The following FAM222A variants were observed in gnomAD, a reference collection of about 807,000 sequenced individuals.
FAM222A encodes the protein protein FAM222A.
A neutral mutation model predicts 25.8 loss-of-function variants in FAM222A; 7 were observed. The observed-to-expected ratio is 0.27, with a 90% CI of 0.15 to 0.51. The LOEUF (loss-of-function observed/expected upper bound fraction) is 0.51. FAM222A is among the 20% of genes least tolerant of loss of function. The pLI, the probability that FAM222A is intolerant of heterozygous loss-of-function variation, is 0.97. For missense variants in FAM222A, 573 were observed against 640.5 expected, an observed-to-expected ratio of 0.89 and a Z score of 1.14; for synonymous variants, 294 against 298.8, an observed-to-expected ratio of 0.98 and a Z score of 0.17.
rs2136311185 is a variant in FAM222A at position 109,714,206 on chromosome 12, C to T, written c.-738C>T. 9.7e-6 allele frequency: 2 copies of T among 206,030 alleles called. No individual in the cohort carries two copies. The highest frequency in any genetic ancestry group is 1.7e-4 in the East Asian group (1 of 5,972). The allele number at this position is 206,030 out of a possible 1,614,324, so 12.8% of individuals were successfully genotyped here. A position where few individuals can be genotyped will look rare whatever the true frequency, so the allele number is the denominator to read the frequency against. Reference sequence around the variant, plus strand: ...TCCGAGCTTGCGTCGCCCGCTGCCGCCGCCGCCGCCGCTGCCGCCGCCGCT... The same window carrying T: ...TCCGAGCTTGCGTCGCCCGCTGCCGTCGCCGCCGCCGCTGCCGCCGCCGCT... On this transcript the variant is annotated 5_prime_UTR_variant, in exon 1 of 3. Transcript: ENST00000538780. This position sits in a 1 kb window ranked among gnomAD's most constrained non-coding sequence, Gnocchi z 4.2.
chr12:109,751,154 T>C (rs1425151543), intron 2 of FAM222A, among the ~76,000 whole-genome samples: 1 of 152,178 alleles, frequency 6.6e-6, no homozygotes, highest in South Asian at 2.1e-4. Context: ...TCACTTTTTT[T>C]CCCTATGTTT....
rs1889121393 is a variant in FAM222A at position 109,768,328 on chromosome 12, G to A, written c.399G>A (p.Arg133=). ...TGCTCAAGAGCGCCGAGGGCAAGCG[G>A]ACCAAGCTGTCACCGGCCGCCGTGC... The part of the protein sequence containing the change: ...KSVLKSAEGK[R]TKLSPAAVQV... The change falls in exon 3 of 3, where the codon CGG becomes CGA. Residue 133 remains arginine (R), a synonymous_variant. Transcript: ENST00000538780. 2.5e-6 allele frequency: 4 copies of A among 1,601,124 alleles called. No individual in the cohort carries two copies. The East Asian group carries it at 6.8e-5, about 27-fold the overall frequency.
In FAM222A at chr12:109,714,214, GC is replaced by G. The variant is rs1887591679; in HGVS notation, c.-728del. On this transcript the variant is annotated 5_prime_UTR_variant, in exon 1 of 3. Transcript: ENST00000538780. The surrounding 1 kb of genome is among the most constrained non-coding windows in gnomAD (Gnocchi z 4.2). ...TGCGTCGCCCGCTGCCGCCGCCGCC[GC>G]CGCTGCCGCCGCCGCTGTTCGCCGG... 1 of 181,938 alleles carries G rather than the reference GC, an allele frequency of 5.5e-6. No individual in the cohort carries two copies. The highest frequency in any genetic ancestry group is 6.9e-5 in the Admixed American group (1 of 14,500). The allele number at this position is 181,938 out of a possible 1,614,324, so 11.3% of individuals were successfully genotyped here.
intron 1 of FAM222A, 135 bp from the exon 2 acceptor site, chr12:109,743,966 G>T (rs553592298): frequency 7.1e-7 from 1 of 1,409,062 alleles, no homozygotes; most frequent in African/African-American, 1.4e-5. Context: ...CTCATTGGTC[G>T]AATAAGGGAA....
At chr12:109,718,501 C>CG (rs1428565970) in intron 1 of FAM222A, among the ~76,000 whole-genome samples, 2 of 152,144 alleles carry the variant, frequency 1.3e-5, no homozygotes, top group Admixed American at 6.5e-5. Flanking sequence ...GGGCTCGGGG[C>CG]GGGGGTGAGA....
intron 2 of FAM222A, among the ~76,000 whole-genome samples, chr12:109,755,826 C>T (rs544045277): frequency 1.3e-5 from 2 of 152,328 alleles, no homozygotes; most frequent in East Asian, 1.9e-4. Flanking sequence ...TTCCATTGAC[C>T]TGCATGTCCA....
chr12:109,770,362 A>G lies in FAM222A; in HGVS notation c.*1074A>G, dbSNP rs1889210910. On this transcript the variant is annotated 3_prime_UTR_variant, in exon 3 of 3. Transcript: ENST00000538780. ...TGTATCTCTCTCCAAGGCCTGGTCAAGCACTAAGTGCATTTACAAATCTCT... is the reference window on the plus strand; with the variant it reads ...TGTATCTCTCTCCAAGGCCTGGTCAGGCACTAAGTGCATTTACAAATCTCT... The G allele has an allele frequency of 6.5e-6, 1 of 152,686 alleles. No homozygotes were observed. The highest frequency in any genetic ancestry group is 2.4e-5 in the African/African-American group (1 of 41,468). The allele number at this position is 152,686 out of a possible 1,614,324, so 9.5% of individuals were successfully genotyped here.
chr12:109,724,379 T>C (rs1887804819), intron 1 of FAM222A, among the ~76,000 whole-genome samples: 1 of 152,148 alleles, frequency 6.6e-6, no homozygotes, highest in South Asian at 2.1e-4. Context: ...GCGCCTTCTG[T>C]CCCCTTCCTA....
chr12:109,742,757 T>C (rs1180545720), intron 1 of FAM222A, among the ~76,000 whole-genome samples: 1 of 152,176 alleles, frequency 6.6e-6, no homozygotes, highest in Non-Finnish European at 1.5e-5. Flanking sequence ...CGATTGTCTT[T>C]CATTTACCGA....
intron 2 of FAM222A, chr12:109,744,447 G>A (rs903730100): frequency 1.0e-6 from 1 of 985,268 alleles, no homozygotes; most frequent in Non-Finnish European, 1.2e-6. Context: ...CTCAACTCTG[G>A]CTTGACCTCC....
rs1887598646 is a variant in FAM222A at position 109,714,458 on chromosome 12, A to G, written c.-486A>G. 6.6e-6 allele frequency: 1 copy of G among 152,182 alleles called. No individual in the cohort carries two copies. The highest frequency in any genetic ancestry group is 2.4e-5 in the African/African-American group (1 of 41,418). The allele number at this position is 152,182 out of a possible 1,614,324, so 9.4% of individuals were successfully genotyped here. A position where few individuals can be genotyped will look rare whatever the true frequency, so the allele number is the denominator to read the frequency against. On this transcript the variant is annotated 5_prime_UTR_variant, in exon 1 of 3. Transcript: ENST00000538780. This position sits in a 1 kb window ranked among gnomAD's most constrained non-coding sequence, Gnocchi z 4.2. Reference sequence around the variant, plus strand: ...GGGCGGGCGAGCGAGAGGAAGCAACAAAGACAGGCTGCAGCTGGGGCTGGC... The same window carrying G: ...GGGCGGGCGAGCGAGAGGAAGCAACGAAGACAGGCTGCAGCTGGGGCTGGC...
intron 2 of FAM222A, among the ~76,000 whole-genome samples, chr12:109,750,215 T>C (rs1202179018): frequency 6.6e-6 from 1 of 152,224 alleles, no homozygotes. Flanking sequence ...CTTAATTCTC[T>C]TAGAATAGTA....
At chr12:109,738,558 G>T (rs967590560) in intron 1 of FAM222A, among the ~76,000 whole-genome samples, 11 of 152,212 alleles carry the variant, frequency 7.2e-5, no homozygotes, top group Non-Finnish European at 1.5e-4. Flanking sequence ...AGGCTGCGAG[G>T]CCCTGAGGAG....
intron 2 of FAM222A, among the ~76,000 whole-genome samples, chr12:109,750,168 G>C (rs1888522531): frequency 6.6e-6 from 1 of 152,188 alleles, no homozygotes; most frequent in African/African-American, 2.4e-5. Flanking sequence ...TAATAATAAG[G>C]AAGGTTGGTG....
chr12:109,732,853 T>C (rs1334401981), intron 1 of FAM222A, among the ~76,000 whole-genome samples: 1 of 152,250 alleles, frequency 6.6e-6, no homozygotes, highest in East Asian at 1.9e-4. Flanking sequence ...CCTCCGTCCC[T>C]GACCATCTGC....
rs1338732064 is a variant in FAM222A, at chr12:109,714,201, T to TGCCGCC, written c.-731_-726dup. On this transcript the variant is annotated 5_prime_UTR_variant, in exon 1 of 3. Transcript: ENST00000538780. This position sits in a 1 kb window ranked among gnomAD's most constrained non-coding sequence, Gnocchi z 4.2. The stretch of plus-strand genomic sequence containing the variant: ...CTGCATCCGAGCTTGCGTCGCCCGC[T>TGCCGCC]GCCGCCGCCGCCGCCGCTGCCGCCG... The TGCCGCC allele has an allele frequency of 9.2e-5, 19 of 205,938 alleles. No individual in the cohort carries two copies. The highest frequency in any genetic ancestry group is 6.7e-4 in the East Asian group (4 of 5,982). The allele number at this position is 205,938 out of a possible 1,614,324, so 12.8% of individuals were successfully genotyped here. A position where few individuals can be genotyped will look rare whatever the true frequency, so the allele number is the denominator to read the frequency against.
chr12:109,725,427 T>TCTCCCCCCCCCCCCCTCCCC (rs1555288242), intron 1 of FAM222A, among the ~76,000 whole-genome samples: 1 of 127,242 alleles, frequency 7.9e-6, no homozygotes, highest in African/African-American at 3.0e-5. Context: ...CTCTTCTCCC[T>TCTCCCCCCCCCCCCCTCCCC]CTCCCTCCCC....
At chr12:109,737,573 A>T (rs1177968299) in intron 1 of FAM222A, among the ~76,000 whole-genome samples, 28 of 144,182 alleles carry the variant, frequency 1.9e-4, no homozygotes, top group African/African-American at 7.3e-4. Context: ...GTACCTCCCC[A>T]GCCCCCAACC....
chr12:109,753,943 G>T (rs1888637645), intron 2 of FAM222A, among the ~76,000 whole-genome samples: 2 of 152,224 alleles, frequency 1.3e-5, no homozygotes, highest in African/African-American at 4.8e-5. Flanking sequence ...GAAGGTCTGG[G>T]GCCACCCCTG....
Sources: gnomAD v4.1 joint callset for allele counts (sites outside exome capture counted in the v4.1 genomes callset) on GRCh38, gnomAD v4.1.1 for gene constraint, Gnocchi (gnomAD v3.1) non-coding constraint, MANE v1.5 for transcripts, NCBI Gene and HGNC (gene_info 2026-07-23, HGNC 2026-07-21) for gene names.